Variants in ADAM12 observed in about 807,000 individuals in gnomAD.
The protein encoded by ADAM12 is ADAM metallopeptidase domain 12.
In ADAM12, 70 loss-of-function variants were observed where a neutral mutation model predicts 106.4. That is an observed-to-expected ratio of 0.66 (90% CI 0.54 to 0.80). ADAM12 has a LOEUF of 0.80. Ranked by LOEUF, ADAM12 falls within the 30% of genes least tolerant of loss-of-function variation. The pLI is 0.00. For missense variants in ADAM12, 1,010 were observed against 1,171.9 expected (o/e 0.86, Z 2.02); for synonymous variants, 420 against 433.5 (o/e 0.97, Z 0.39).
intron 3 of ADAM12, among the ~76,000 whole-genome samples, chr10:126,251,530 TGGATAGATGG>T (rs1958750614): frequency 7.3e-5 from 2 of 27,306 alleles, no homozygotes; most frequent in Non-Finnish European, 3.9e-4. Flanking sequence ...ATGGACAGGA[TGGATAGATGG>T]ATGGATAGGA....
At position 126,043,162 on chromosome 10, in the gene ADAM12, G is replaced by C; in HGVS notation, c.1996-14C>G. 1 of 1,612,938 alleles carries C rather than the reference G, an allele frequency of 6.2e-7. No homozygotes were observed. The highest frequency in any genetic ancestry group is 8.5e-7 in the Non-Finnish European group (1 of 1,179,198). On this transcript the variant is annotated splice_polypyrimidine_tract_variant and intron_variant, in intron 17 of 22. Coordinates refer to ENST00000448723, the MANE Select transcript of ADAM12 (RefSeq NM_001288973.2). The surrounding 1 kb of genome is among the most constrained non-coding windows in gnomAD (Gnocchi z 4.1). ...GTTGTTGCACACCTTTCAGGGCAGA[G>C]GGGAGGGACGTGGGGTTAGGGCATA...
chr10:126,340,778 T>A (rs1313512703), intron 1 of ADAM12, among the ~76,000 whole-genome samples: 1 of 149,974 alleles, frequency 6.7e-6, no homozygotes, highest in African/African-American at 2.5e-5. Flanking sequence ...AGTGCAGTGG[T>A]GCAATCTCAG....
intron 3 of ADAM12, among the ~76,000 whole-genome samples, chr10:126,159,142 T>C (rs934029716): frequency 6.6e-6 from 1 of 151,904 alleles, no homozygotes; most frequent in Non-Finnish European, 1.5e-5. Flanking sequence ...ACCCCGTCTC[T>C]ACTAAAAATA....
At chr10:126,229,327 C>T (rs977078233) in intron 3 of ADAM12, among the ~76,000 whole-genome samples, 4 of 152,186 alleles carry the variant, frequency 2.6e-5, no homozygotes, top group Non-Finnish European at 2.9e-5. Flanking sequence ...CTGTTTGACT[C>T]CTGTGACTTC....
At chr10:126,226,446 C>T (rs1013781376) in intron 3 of ADAM12, among the ~76,000 whole-genome samples, 21 of 152,134 alleles carry the variant, frequency 1.4e-4, no homozygotes, top group African/African-American at 3.4e-4. Flanking sequence ...AACATGGGCA[C>T]AGCTGACATG....
chr10:126,226,497 A>C (rs146977919), intron 3 of ADAM12, among the ~76,000 whole-genome samples: 2 of 152,180 alleles, frequency 1.3e-5, no homozygotes, highest in Admixed American at 6.5e-5. Context: ...ATGTCATCAC[A>C]AGAGGACTGG....
intron 3 of ADAM12, among the ~76,000 whole-genome samples, chr10:126,249,070 T>C (rs2133676979): frequency 6.6e-6 from 1 of 152,298 alleles, no homozygotes; most frequent in South Asian, 2.1e-4. Context: ...ATCCTTACTT[T>C]ACAGTTGGAG....
intron 3 of ADAM12, among the ~76,000 whole-genome samples, chr10:126,177,730 T>G (rs908398105): frequency 6.6e-6 from 1 of 152,196 alleles, no homozygotes; most frequent in Non-Finnish European, 1.5e-5. Flanking sequence ...ATGAATCCAA[T>G]GCAGTGAATT....
intron 21 of ADAM12, among the ~76,000 whole-genome samples, chr10:126,021,134 C>T (rs961499413): frequency 1.1e-4 from 17 of 152,088 alleles, no homozygotes; most frequent in African/African-American, 3.1e-4. Context: ...CTCTTGGCCC[C>T]AGGTGAATGT....
rs915203295 is a variant in ADAM12, at chr10:126,043,366, C to A, written c.1996-218G>T. 5.3e-5 allele frequency among the ~76,000 whole-genome samples: 8 copies of A among 152,180 alleles called. No individual in the cohort carries two copies. Among genetic ancestry groups the A allele is most frequent in the African/African-American group, 1.9e-4 (8 of 41,452 alleles). On this transcript the variant is annotated intron_variant, in intron 17 of 22. Transcript: ENST00000448723. The surrounding 1 kb of genome is among the most constrained non-coding windows in gnomAD (Gnocchi z 4.1). ...AGATGCATCATCTGCCTATTAGTGG[C>A]TGTAAAGAGAGTGATGAAGATTATT...
At chr10:126,138,375 TATTTA>T (rs1042736032) in intron 4 of ADAM12, among the ~76,000 whole-genome samples, 6 of 152,236 alleles carry the variant, frequency 3.9e-5, no homozygotes, top group African/African-American at 1.4e-4. Context: ...ATTTTTATTT[TATTTA>T]TTTATTTTTT....
intron 4 of ADAM12, among the ~76,000 whole-genome samples, chr10:126,146,357 CA>C (rs1257317807): frequency 6.6e-6 from 1 of 152,124 alleles, no homozygotes; most frequent in East Asian, 1.9e-4. Context: ...AATCCATTCT[CA>C]ATGATGTTTT....
At chr10:126,199,136 G>T (rs1957651145) in intron 3 of ADAM12, among the ~76,000 whole-genome samples, 1 of 152,156 alleles carries the variant, frequency 6.6e-6, no homozygotes, top group South Asian at 2.1e-4. Context: ...CTGCTTACCA[G>T]GTTGAAGACC....
chr10:126,098,954 T>C (rs1461993559), intron 9 of ADAM12, among the ~76,000 whole-genome samples: 1 of 152,228 alleles, frequency 6.6e-6, no homozygotes, highest in Non-Finnish European at 1.5e-5. Context: ...CCAAATTCTT[T>C]CAAATTGTCC....
At chr10:126,306,007 C>A (rs911911824) in intron 2 of ADAM12, among the ~76,000 whole-genome samples, 1 of 151,856 alleles carries the variant, frequency 6.6e-6, no homozygotes, top group African/African-American at 2.4e-5. Context: ...TAAAGTGTAT[C>A]TCTTGTAAAT....
At chr10:126,280,637 G>A (rs984045616) in intron 2 of ADAM12, among the ~76,000 whole-genome samples, 1 of 152,104 alleles carries the variant, frequency 6.6e-6, no homozygotes, top group Non-Finnish European at 1.5e-5. Context: ...CCTTCAGGAG[G>A]TAAAATTAGG....
intron 21 of ADAM12, among the ~76,000 whole-genome samples, chr10:126,022,893 A>G (rs1953795406): frequency 6.6e-6 from 1 of 152,222 alleles, no homozygotes; most frequent in South Asian, 2.1e-4. Context: ...CCATTCTTCT[A>G]TATTCTGCTC....
At chr10:126,321,774 A>G (rs533399631) in intron 2 of ADAM12, among the ~76,000 whole-genome samples, 1 of 152,270 alleles carries the variant, frequency 6.6e-6, no homozygotes, top group South Asian at 2.1e-4. Flanking sequence ...TCCTGATATG[A>G]TGCCCAGGGG....
chr10:126,018,572 A>G (rs569451761), intron 22 of ADAM12, among the ~76,000 whole-genome samples: 2 of 152,338 alleles, frequency 1.3e-5, no homozygotes, highest in African/African-American at 4.8e-5. Context: ...AGTTTTGAGC[A>G]CTTATTACCT....
Sources: allele counts gnomAD v4.1 joint callset (sites outside exome capture counted in the v4.1 genomes callset), GRCh38; gene constraint gnomAD v4.1.1; non-coding constraint Gnocchi (gnomAD v3.1); transcripts MANE v1.5; gene names NCBI Gene and HGNC (gene_info 2026-07-23, HGNC 2026-07-21).